RHBDD1: variants seen among roughly 807,000 people sequenced by gnomAD.
RHBDD1 encodes rhomboid-related protein 4.
A neutral mutation model predicts 36.3 loss-of-function variants in RHBDD1; 38 were observed. The observed-to-expected ratio is 1.05, with a 90% CI of 0.81 to 1.37. The LOEUF (loss-of-function observed/expected upper bound fraction) is 1.37. Ranked by LOEUF, RHBDD1 falls within the 40% of genes most tolerant of loss-of-function variation. The probability of loss-of-function intolerance (pLI) is 0.00; values close to 1 mark genes in which losing one functional copy is unlikely to be tolerated. For synonymous variants in RHBDD1, 151 were observed against 136.5 expected, an observed-to-expected ratio of 1.11 and a Z score of -0.74; for missense variants, 393 against 377.6, an observed-to-expected ratio of 1.04 and a Z score of -0.34.
At chr2:226,986,276 G>A (rs1053173209) in intron 8 of RHBDD1, among the ~76,000 whole-genome samples, 4 of 152,028 alleles carry the variant, frequency 2.6e-5, no homozygotes, top group South Asian at 2.1e-4. Flanking sequence ...ATTGGACCCC[G>A]AACAGAAAAA....
At chr2:226,820,266 A>C in the RHBDD1 span, among the ~76,000 whole-genome samples, 1 of 152,150 alleles carries the variant, frequency 6.6e-6, no homozygotes, top group Non-Finnish European at 1.5e-5. Context: ...TTCTGTACTG[A>C]CCAAACAGTA....
intron 3 of RHBDD1, among the ~76,000 whole-genome samples, chr2:226,848,451 G>T (rs1052394943): frequency 2.0e-5 from 3 of 152,126 alleles, no homozygotes; most frequent in African/African-American, 7.2e-5. Flanking sequence ...GACAGTTGGG[G>T]GTGACTTCTG....
chr2:226,904,427 G>T (rs566845475), intron 5 of RHBDD1, among the ~76,000 whole-genome samples: 3 of 90,832 alleles, frequency 3.3e-5, no homozygotes, highest in Admixed American at 2.3e-4. Context: ...GGGGGGAGGG[G>T]GGTCAGGGAA....
At chr2:226,839,768 G>C (rs951645876) in intron 3 of RHBDD1, 141 bp downstream of exon 3, 4 of 151,474 alleles carry the variant, frequency 2.6e-5, no homozygotes, top group Non-Finnish European at 4.4e-5. Context: ...TTACAAAGTA[G>C]GATTCTGTGC....
At chr2:226,814,286 G>A in the RHBDD1 span, among the ~76,000 whole-genome samples, 2 of 151,592 alleles carry the variant, frequency 1.3e-5, no homozygotes, top group East Asian at 3.9e-4. Flanking sequence ...CTTTTAGAGG[G>A]GAAGAAAAGT....
chr2:226,924,301 G>T (rs912061393), intron 8 of RHBDD1, among the ~76,000 whole-genome samples: 1 of 152,150 alleles, frequency 6.6e-6, no homozygotes, highest in African/African-American at 2.4e-5. Flanking sequence ...GTCTAGAAAT[G>T]ATGTCTGGTA....
At chr2:226,922,934 T>G (rs781109281) in intron 8 of RHBDD1, among the ~76,000 whole-genome samples, 5 of 152,204 alleles carry the variant, frequency 3.3e-5, no homozygotes, top group African/African-American at 4.8e-5. Context: ...TTTGTCCCCC[T>G]GGTTTTTAGC....
Position 226,942,488 on chromosome 2 carries a change from C to T in RHBDD1, c.856+28137C>T, listed in dbSNP as rs768076821. ...TCTCCTGACCTCATGATCCACCCGC[C>T]TTGGCCTCCCAGAGTGCTGGGATTA... On this transcript the variant is annotated intron_variant, in intron 8 of 8. Transcript: ENST00000392062. 4.2e-4 allele frequency: 134 copies of T among 322,664 alleles called. 2 individuals are homozygous for T. The highest frequency in any genetic ancestry group is 7.4e-4 in the Non-Finnish European group (121 of 164,034). 20.0% of individuals were successfully genotyped at this position (322,664 alleles called of 1,614,324 possible).
chr2:226,927,803 GT>G (rs1949764425), intron 8 of RHBDD1, among the ~76,000 whole-genome samples: 1 of 151,912 alleles, frequency 6.6e-6, no homozygotes, highest in Non-Finnish European at 1.5e-5. Context: ...TGGATTGTTT[GT>G]TTTCTTATCT....
chr2:226,867,689 G>A (rs1319351280), intron 5 of RHBDD1: 1 of 969,352 alleles, frequency 1.0e-6, no homozygotes, highest in Non-Finnish European at 1.2e-6. Flanking sequence ...AAGCTATAAG[G>A]TATGTTGATC....
At chr2:226,957,570 CA>C (rs72005765) in intron 8 of RHBDD1, among the ~76,000 whole-genome samples, 74,444 of 146,054 alleles carry the variant, frequency 0.51, 19,300 homozygotes, top group African/African-American at 0.67. Flanking sequence ...CGCCCCCACC[CA>C]AAAAAAAAAG....
chr2:226,942,537 C>T, intron 8 of RHBDD1: 2 of 381,350 alleles, frequency 5.2e-6, no homozygotes, highest in Non-Finnish European at 1.0e-5. Flanking sequence ...CCGTGCCCAG[C>T]CGTTGTGATC....
At chr2:226,987,475 C>T (rs761493413) in intron 8 of RHBDD1, among the ~76,000 whole-genome samples, 36 of 152,190 alleles carry the variant, frequency 2.4e-4, no homozygotes, top group Non-Finnish European at 3.7e-4. Context: ...GTAGGACAGG[C>T]AACAGTCTCC....
intron 8 of RHBDD1, chr2:226,969,095 C>T (rs1952944932): frequency 5.0e-6 from 1 of 200,270 alleles, no homozygotes; most frequent in African/African-American, 2.3e-5. Context: ...CTCCACCAAC[C>T]AGAAGCTACT....
chr2:226,957,017 G>A (rs1424588863), intron 8 of RHBDD1, among the ~76,000 whole-genome samples: 1 of 152,184 alleles, frequency 6.6e-6, no homozygotes, highest in Non-Finnish European at 1.5e-5. Flanking sequence ...GTCTCAATGA[G>A]GTATCTTTGA....
At chr2:226,924,039 C>G (rs770822300) in intron 8 of RHBDD1, among the ~76,000 whole-genome samples, 15 of 152,068 alleles carry the variant, frequency 9.9e-5, no homozygotes, top group Non-Finnish European at 2.1e-4. Context: ...AGACAAAGTT[C>G]CCTTTACTTT....
At chr2:226,870,356 A>G (rs1173302893) in intron 5 of RHBDD1, among the ~76,000 whole-genome samples, 1 of 152,216 alleles carries the variant, frequency 6.6e-6, no homozygotes. Context: ...AAATAGAATC[A>G]TACCTAATTT....
the RHBDD1 span, chr2:226,807,585 CT>C: frequency 6.6e-6 from 1 of 152,126 alleles, no homozygotes; most frequent in Non-Finnish European, 1.5e-5. Context: ...CAAAGAGCCC[CT>C]GACTGGAGGG....
At chr2:226,816,375 CAAAAAAAAAA>C in the RHBDD1 span, among the ~76,000 whole-genome samples, 7 of 64,940 alleles carry the variant, frequency 1.1e-4, no homozygotes, top group Admixed American at 5.2e-4. Context: ...GGAATGGTGG[CAAAAAAAAAA>C]AAAAAAAAAA....
Sources: gnomAD v4.1 joint callset for allele counts (sites outside exome capture counted in the v4.1 genomes callset) on GRCh38, gnomAD v4.1.1 for gene constraint, MANE v1.5 for transcripts, NCBI Gene and HGNC (gene_info 2026-07-23, HGNC 2026-07-21) for gene names.